The following UTP18 variants were observed in gnomAD, a reference collection of about 807,000 sequenced individuals.
UTP18 encodes the protein U3 small nucleolar RNA-associated protein 18 homolog.
UTP18 carries 36 observed loss-of-function variants against 61.1 expected under a neutral mutation model. The ratio of observed to expected loss-of-function variants is 0.59; its 90% confidence interval spans 0.45 to 0.78. The LOEUF is 0.78. UTP18 is among the 30% of genes least tolerant of loss of function. The pLI is 0.00. For missense variants in UTP18, 753 were observed against 693.9 expected (o/e 1.09, Z -0.96); for synonymous variants, 282 against 251.1 (o/e 1.12, Z -1.16).
At position 51,260,912 on chromosome 17, in the gene UTP18, C is replaced by G; in HGVS notation, c.328C>G (p.Leu110Val). 6.3e-7 allele frequency: 1 copy of G among 1,586,948 alleles called. No individual in the cohort carries two copies. The highest frequency in any genetic ancestry group is 8.6e-7 in the Non-Finnish European group (1 of 1,168,502). The change falls in exon 1 of 14, where the codon CTG becomes GTG. Residue 110 changes from leucine (L) to valine (V), a missense_variant. By Grantham distance (32) the Leu-to-Val change is conservative. Coordinates refer to ENST00000225298, the MANE Select transcript of UTP18 (RefSeq NM_016001.3). The stretch of plus-strand genomic sequence containing the variant: ...CGACGAGGACGCGTTGCTGCGGCGT[C>G]TGCGAGGCCCGAGGGTGAGGGAGGC... ...ENDEDALLRR[L>V]RGPRVQEHED...
At chr17:51,267,671 T>C (rs1015965531) in intron 3 of UTP18, among the ~76,000 whole-genome samples, 17 of 152,188 alleles carry the variant, frequency 1.1e-4, no homozygotes, top group Admixed American at 3.3e-4. Context: ...CTTAAGATGA[T>C]GTGTACCAGA....
chr17:51,262,513 C>G (rs747731448), intron 1 of UTP18, among the ~76,000 whole-genome samples: 1 of 152,038 alleles, frequency 6.6e-6, no homozygotes, highest in Non-Finnish European at 1.5e-5. Flanking sequence ...TGGAGTGTAG[C>G]GGCACCTATT....
chr17:51,276,305 A>T (rs1904720451), intron 6 of UTP18, among the ~76,000 whole-genome samples: 1 of 152,182 alleles, frequency 6.6e-6, no homozygotes, highest in African/African-American at 2.4e-5. Context: ...ATTTTTATTG[A>T]ATGCACCTGT....
At chr17:51,277,068 A>G (rs1904748038) in intron 6 of UTP18, 62 bp from the exon 7 acceptor site, 3 of 1,531,490 alleles carry the variant, frequency 2.0e-6, no homozygotes, top group Non-Finnish European at 2.7e-6. Flanking sequence ...TGAAAAGTAT[A>G]TACTACCAGG....
intron 4 of UTP18, among the ~76,000 whole-genome samples, chr17:51,272,616 A>C (rs530399400): frequency 5.1e-4 from 77 of 152,362 alleles, no homozygotes; most frequent in African/African-American, 1.7e-3. Context: ...GTAGCTTGGC[A>C]GAGGACACTA....
Position 51,292,826 on chromosome 17 carries a change from C to T in UTP18, c.1504-1077C>T, listed in dbSNP as rs569552594. 9.8e-5 allele frequency among the ~76,000 whole-genome samples: 15 copies of T among 152,296 alleles called. No homozygotes were observed. The South Asian group carries it at 2.9e-3, about 29-fold the overall frequency. On this transcript the variant is annotated intron_variant, in intron 11 of 13. Transcript: ENST00000225298. ...GAAAGAGACTGTGTGTGTTCCTCCT[C>T]ATACTTACGTCTGGCTTTGAGGTGA... is the stretch of plus-strand genomic sequence containing the variant.
chr17:51,265,887 C>T (rs1449491513), intron 2 of UTP18, among the ~76,000 whole-genome samples: 1 of 152,160 alleles, frequency 6.6e-6, no homozygotes, highest in Admixed American at 6.5e-5. Context: ...ATGTATTTAA[C>T]TCTTTGATTT....
chr17:51,269,321 A>AAC (rs1904429766), intron 4 of UTP18, among the ~76,000 whole-genome samples: 1 of 126,236 alleles, frequency 7.9e-6, no homozygotes. Flanking sequence ...AAAAAAAAAA[A>AAC]AAAAACCAAA....
intron 2 of UTP18, among the ~76,000 whole-genome samples, chr17:51,264,824 A>G (rs748383127): frequency 6.6e-6 from 1 of 151,898 alleles, no homozygotes; most frequent in Non-Finnish European, 1.5e-5. Flanking sequence ...CTGGGACTAC[A>G]GGCACATGTC....
chr17:51,293,842 C>T (rs776416413), intron 11 of UTP18, 61 bp from the exon 12 acceptor site: 31 of 1,354,916 alleles, frequency 2.3e-5, no homozygotes, highest in Non-Finnish European at 2.8e-5. Flanking sequence ...GTGAAGATTA[C>T]AATTTAAGAA....
At chr17:51,290,118 A>T (rs1905206491) in intron 11 of UTP18, among the ~76,000 whole-genome samples, 1 of 152,024 alleles carries the variant, frequency 6.6e-6, no homozygotes, top group East Asian at 1.9e-4. Flanking sequence ...TGATTTCCTT[A>T]AGAAATGTTT....
intron 12 of UTP18, among the ~76,000 whole-genome samples, chr17:51,295,111 A>G (rs1251777586): frequency 6.6e-6 from 1 of 152,176 alleles, no homozygotes; most frequent in Non-Finnish European, 1.5e-5. Context: ...CCTTTGTCAG[A>G]TGAGTAGGTT....
chr17:51,282,210 A>T (rs531899702), intron 9 of UTP18, among the ~76,000 whole-genome samples: 1 of 152,348 alleles, frequency 6.6e-6, no homozygotes, highest in Admixed American at 6.5e-5. Flanking sequence ...TTTTTAGCAT[A>T]ATTTTTATTT....
Position 51,296,975 on chromosome 17 carries a change from T to C in UTP18, c.1657T>C (p.Tyr553His). ...TTTTTACTTTTCCAGGTTGCACCATTACTCAGACTTCTAAAGAGACTATTT... is the reference window on the plus strand; with the variant it reads ...TTTTTACTTTTCCAGGTTGCACCATCACTCAGACTTCTAAAGAGACTATTT... ...GKALMYRLHH[Y>H]SDF Residue 553 changes from tyrosine to histidine, a missense_variant, in exon 13 of 14, where the codon TAC (tyrosine) becomes CAC (histidine). Tyr to His is a moderately conservative substitution (Grantham distance 83, BLOSUM62 2). Coordinates refer to ENST00000225298, the MANE Select transcript of UTP18 (RefSeq NM_016001.3). 6.2e-7 allele frequency: 1 copy of C among 1,607,108 alleles called. No individual in the cohort carries two copies. The highest frequency in any genetic ancestry group is 1.1e-5 in the South Asian group (1 of 89,886).
At chr17:51,268,949 TC>T (rs1277105057) in intron 4 of UTP18, 45 bp downstream of exon 4, 2 of 1,570,162 alleles carry the variant, frequency 1.3e-6, no homozygotes, top group Non-Finnish European at 1.8e-6. Flanking sequence ...AAGTCCCTGT[TC>T]CTGTTCGTTA....
At chr17:51,275,747 T>G in intron 5 of UTP18, 119 bp from the exon 6 acceptor site, 1 of 976,356 alleles carries the variant, frequency 1.0e-6, no homozygotes, top group South Asian at 4.4e-5. Context: ...TTGTGTTTGG[T>G]TACCATTCCA....
At chr17:51,287,337 G>A (rs1202044878) in intron 10 of UTP18, among the ~76,000 whole-genome samples, 1 of 152,202 alleles carries the variant, frequency 6.6e-6, no homozygotes, top group African/African-American at 2.4e-5. Flanking sequence ...TTTAGAAGAG[G>A]AAGAAAGGAC....
chr17:51,284,407 A>G (rs1905041805), intron 9 of UTP18, among the ~76,000 whole-genome samples: 1 of 152,174 alleles, frequency 6.6e-6, no homozygotes, highest in Non-Finnish European at 1.5e-5. Flanking sequence ...TCATTTAAAT[A>G]ACTTGGTAAT....
intron 12 of UTP18, among the ~76,000 whole-genome samples, chr17:51,296,054 C>A (rs942095072): frequency 2.0e-5 from 3 of 152,176 alleles, no homozygotes; most frequent in Admixed American, 6.5e-5. Flanking sequence ...AGGGTGTTAA[C>A]CACAAAGATA....
Sources: gnomAD v4.1 joint callset for allele counts (sites outside exome capture counted in the v4.1 genomes callset) on GRCh38, gnomAD v4.1.1 for gene constraint, MANE v1.5 for transcripts, NCBI Gene and HGNC (gene_info 2026-07-23, HGNC 2026-07-21) for gene names.